Variants in AMMECR1 observed in about 807,000 individuals in gnomAD.
AMMECR1 encodes the protein nuclear protein AMMECR1.
A neutral mutation model predicts 22.5 loss-of-function variants in AMMECR1; 3 were observed. That is an observed-to-expected ratio of 0.13 (90% CI 0.06 to 0.35). The LOEUF is 0.35. AMMECR1 is among the 10% of genes least tolerant of loss of function. The probability of loss-of-function intolerance (pLI) is 1.00; values close to 1 mark genes in which losing one functional copy is unlikely to be tolerated. For missense variants in AMMECR1, 235 were observed against 278.7 expected (o/e 0.84, Z 1.12); for synonymous variants, 130 against 116.7 (o/e 1.11, Z -0.74).
At chrX:110,407,328 C>T (rs1053250720) in intron 2 of AMMECR1, among the ~76,000 whole-genome samples, 1 of 111,836 alleles carries the variant, frequency 8.9e-6, no homozygotes, top group African/African-American at 3.3e-5. Context: ...GAACTTCAAC[C>T]CAGGATGCAG....
At chrX:110,200,394 T>A (rs1053089556) in intron 5 of AMMECR1, among the ~76,000 whole-genome samples, 5 of 112,362 alleles carry the variant, frequency 4.4e-5, no homozygotes, top group Admixed American at 9.4e-5. Context: ...AAGCATTCAA[T>A]GTAGTTTTAT....
At chrX:110,336,859 G>A (rs930870223) in intron 2 of AMMECR1, among the ~76,000 whole-genome samples, 3 of 111,597 alleles carry the variant, frequency 2.7e-5, no homozygotes, top group African/African-American at 9.8e-5. Flanking sequence ...AGGTAGGGAA[G>A]GCTGCCACCC....
At chrX:110,252,500 G>A (rs2067691117) in intron 2 of AMMECR1, among the ~76,000 whole-genome samples, 1 of 111,473 alleles carries the variant, frequency 9.0e-6, no homozygotes, top group Non-Finnish European at 1.9e-5. Context: ...GTATTTAAAA[G>A]TGTTCATGAT....
At chrX:110,366,931 A>G (rs1023134646) in intron 2 of AMMECR1, among the ~76,000 whole-genome samples, 4 of 110,841 alleles carry the variant, frequency 3.6e-5, no homozygotes, top group Admixed American at 2.9e-4. Context: ...AACTTCCGAC[A>G]CTTGTTTCTA....
In AMMECR1 at chrX:110,194,288, A is replaced by G. The variant is rs924534173; in HGVS notation, c.*4232T>C. On this transcript the variant is annotated 3_prime_UTR_variant, in exon 6 of 6. Transcript: ENST00000262844. ...CAGCCATACCTTACAGACCCACATA[A>G]ACCTTCTCATATTTTTTCTTTTTGC... 2 of 112,218 alleles carry G rather than the reference A, an allele frequency of 1.8e-5. No individual in the cohort carries two copies. Among genetic ancestry groups the G allele is most frequent in the African/African-American group, 3.2e-5 (1 of 30,839 alleles). 9.2% of individuals were successfully genotyped at this position (112,218 alleles called of 1,213,427 possible). A position where few individuals can be genotyped will look rare whatever the true frequency, so the allele number is the denominator to read the frequency against.
intron 2 of AMMECR1, among the ~76,000 whole-genome samples, chrX:110,254,816 A>T (rs2067702726): frequency 8.9e-6 from 1 of 112,090 alleles, no homozygotes; most frequent in African/African-American, 3.2e-5. Context: ...GCAAAAAAGG[A>T]CTGCAACAAC....
At chrX:110,432,534 G>A (rs1001345615) in intron 1 of AMMECR1, among the ~76,000 whole-genome samples, 1 of 111,995 alleles carries the variant, frequency 8.9e-6, no homozygotes, top group Non-Finnish European at 1.9e-5. Context: ...GAGTGTACAT[G>A]CATGTGTATG....
At chrX:110,352,729 G>A (rs754988637) in intron 2 of AMMECR1, among the ~76,000 whole-genome samples, 4 of 112,126 alleles carry the variant, frequency 3.6e-5, no homozygotes, top group Non-Finnish European at 5.6e-5. Flanking sequence ...TCTCAATAAA[G>A]CCTCTTTAAA....
At chrX:110,274,687 A>C (rs184398498) in intron 1 of AMMECR1, among the ~76,000 whole-genome samples, 74 of 111,970 alleles carry the variant, frequency 6.6e-4, no homozygotes, top group African/African-American at 2.3e-3. Flanking sequence ...GCAGCCTTTT[A>C]ACTGGAGTGG....
intron 3 of AMMECR1, among the ~76,000 whole-genome samples, chrX:110,208,217 GA>G (rs2067431067): frequency 1.8e-5 from 2 of 112,102 alleles, no homozygotes; most frequent in African/African-American, 6.5e-5. Flanking sequence ...GATGCGTTTA[GA>G]AGCAGAATAC....
intron 2 of AMMECR1, among the ~76,000 whole-genome samples, chrX:110,355,201 C>T (rs1327286949): frequency 8.9e-6 from 1 of 111,738 alleles, no homozygotes; most frequent in Non-Finnish European, 1.9e-5. Flanking sequence ...AGTTCAAGAC[C>T]AGCTTGGGCA....
At chrX:110,341,122 T>C (rs1252927397) in intron 2 of AMMECR1, among the ~76,000 whole-genome samples, 2 of 112,788 alleles carry the variant, frequency 1.8e-5, no homozygotes, top group African/African-American at 3.2e-5. Context: ...ACTGGCAAGA[T>C]TATAGTCCAA....
chrX:110,211,031 A>G (rs942883664), intron 3 of AMMECR1, among the ~76,000 whole-genome samples: 2 of 112,155 alleles, frequency 1.8e-5, no homozygotes, highest in African/African-American at 6.5e-5. Flanking sequence ...TGACAGCTGT[A>G]TAGAAAAAGT....
At chrX:110,354,072 C>T (rs1244605774) in intron 2 of AMMECR1, among the ~76,000 whole-genome samples, 3 of 111,998 alleles carry the variant, frequency 2.7e-5, no homozygotes, top group Non-Finnish European at 1.9e-5. Flanking sequence ...ATAATTAGTA[C>T]TATTAAAATT....
intron 2 of AMMECR1, among the ~76,000 whole-genome samples, chrX:110,401,483 A>G (rs758452795): frequency 4.9e-4 from 55 of 111,556 alleles, no homozygotes; most frequent in Non-Finnish European, 7.5e-5. Context: ...AACCTTTTCC[A>G]GAGCACATAT....
At position 110,253,756 on chromosome X, in the gene AMMECR1, G is replaced by A. The variant is rs766621901; in HGVS notation, c.584+10733C>T. Among the ~76,000 whole-genome samples, 6 of 111,728 alleles carry A rather than the reference G, an allele frequency of 5.4e-5. No homozygotes were observed. The South Asian group carries it at 2.3e-3, about 42-fold the overall frequency. On this transcript the variant is annotated intron_variant, in intron 2 of 5. Coordinates refer to ENST00000262844, the MANE Select transcript of AMMECR1 (RefSeq NM_015365.3). ...TTTTGGCCATACCATTTTCAGGCCT[G>A]CTGAAGTCCAACCTGTGTTGTCAGT...
At position 110,253,224 on chromosome X, in the gene AMMECR1, GA is replaced by G. The variant is rs779945248; in HGVS notation, c.584+11264del. ...GCAGAACATTAACTTTACTCTGAGT[GA>G]AATATATGTTTTTTAAATACTTTGG... On this transcript the variant is annotated intron_variant, in intron 2 of 5. Transcript: ENST00000262844. Among the ~76,000 whole-genome samples, 610 of 112,608 alleles carry G rather than the reference GA, an allele frequency of 5.4e-3. 3 individuals carry two copies. The highest frequency in any genetic ancestry group is 0.019 in the African/African-American group (593 of 31,022).
chrX:110,436,404 C>G (rs1569429769), intron 1 of AMMECR1, among the ~76,000 whole-genome samples: 1 of 112,055 alleles, frequency 8.9e-6, no homozygotes, highest in African/African-American at 3.2e-5. Flanking sequence ...CACAAACCCA[C>G]TCTGTATCTT....
At chrX:110,372,515 A>G (rs986200032) in intron 2 of AMMECR1, among the ~76,000 whole-genome samples, 5 of 111,349 alleles carry the variant, frequency 4.5e-5, no homozygotes, top group African/African-American at 1.6e-4. Context: ...TTTTAACTTA[A>G]CAACACACCT....
Sources: allele counts gnomAD v4.1 joint callset (sites outside exome capture counted in the v4.1 genomes callset), GRCh38; gene constraint gnomAD v4.1.1; transcripts MANE v1.5; gene names NCBI Gene and HGNC (gene_info 2026-07-23, HGNC 2026-07-21).